DLG1: variants seen among roughly 807,000 people sequenced by gnomAD.
The protein encoded by DLG1 is disks large homolog 1.
DLG1 carries 42 observed loss-of-function variants against 123.4 expected under a neutral mutation model. The observed-to-expected ratio is 0.34, with a 90% CI of 0.27 to 0.44. The LOEUF (loss-of-function observed/expected upper bound fraction) is 0.44, where lower values mean the gene tolerates loss of function less well. Among genes scored for constraint, DLG1 ranks in the 20% least tolerant of loss-of-function variants. The pLI is 1.00. For synonymous variants in DLG1, 317 were observed against 356.2 expected (o/e 0.89, Z 1.24); for missense variants, 942 against 1,082.6 (o/e 0.87, Z 1.82).
At chr3:197,290,377 T>A (rs1180995940) in intron 3 of DLG1, among the ~76,000 whole-genome samples, 1 of 152,144 alleles carries the variant, frequency 6.6e-6, no homozygotes, top group Non-Finnish European at 1.5e-5. Context: ...GATATGTACA[T>A]GGTGTTAAAG....
chr3:197,115,010 AG>A (rs1772402818), intron 13 of DLG1, among the ~76,000 whole-genome samples: 4 of 132,738 alleles, frequency 3.0e-5, no homozygotes, highest in African/African-American at 8.4e-5. Context: ...AAAAAAAAAA[AG>A]GGAAATTTTC....
rs928826545 is a variant in DLG1 at position 197,263,258 on chromosome 3, T to C, written c.318+19421A>G. On this transcript the variant is annotated intron_variant, in intron 4 of 24. Transcript: ENST00000667157. ...CCAGAGAGGGCAGGCATCCCTAAGTTTGGCAGACTTCATAATAGAAAAGGC... is the reference window on the plus strand; with the variant it reads ...CCAGAGAGGGCAGGCATCCCTAAGTCTGGCAGACTTCATAATAGAAAAGGC... Among the ~76,000 whole-genome samples the C allele has an allele frequency of 3.3e-5, 5 of 152,114 alleles. No homozygotes were observed. In the South Asian group the frequency reaches 6.2e-4, roughly 19 times the overall value.
chr3:197,200,310 T>G (rs7650753), intron 4 of DLG1, among the ~76,000 whole-genome samples: 88,215 of 151,968 alleles, frequency 0.58, 25,932 homozygotes, highest in East Asian at 0.79. Flanking sequence ...CCTCAAATAC[T>G]TATTATTTCA....
At chr3:197,212,995 G>T (rs1445995659) in intron 4 of DLG1, among the ~76,000 whole-genome samples, 1 of 152,160 alleles carries the variant, frequency 6.6e-6, no homozygotes, top group Non-Finnish European at 1.5e-5. Flanking sequence ...GAGCGACTGG[G>T]ACTCTCATCA....
In DLG1 at chr3:197,131,914, ATTTTCT is replaced by A. The variant is rs200583971; in HGVS notation, c.1021-1249_1021-1244del. On this transcript the variant is annotated intron_variant, in intron 10 of 24. Transcript: ENST00000667157. Reference sequence around the variant, plus strand: ...GGCCTATTTCTTCCTTTCTAATCTGATTTTCTTTTTCTTTTTCTTTTCTTATTGCCC... The same window carrying A: ...GGCCTATTTCTTCCTTTCTAATCTGATTTTCTTTTTCTTTTCTTATTGCCC... Among the ~76,000 whole-genome samples, 934 of 151,584 alleles carry A rather than the reference ATTTTCT, an allele frequency of 6.2e-3. 4 individuals carry two copies. The highest frequency in any genetic ancestry group is 0.022 in the South Asian group (104 of 4,810).
intron 4 of DLG1, among the ~76,000 whole-genome samples, chr3:197,254,628 A>G (rs1755982616): frequency 6.6e-6 from 1 of 152,266 alleles, no homozygotes; most frequent in African/African-American, 2.4e-5. Flanking sequence ...TAAAATGGCA[A>G]TTTTTAAATA....
chr3:197,066,337 G>A (rs988816685), intron 20 of DLG1, among the ~76,000 whole-genome samples: 1 of 152,118 alleles, frequency 6.6e-6, no homozygotes, highest in Non-Finnish European at 1.5e-5. Flanking sequence ...AAATAAGAAA[G>A]AAGTGGGATA....
chr3:197,050,303 G>C (rs761529705), intron 24 of DLG1, among the ~76,000 whole-genome samples: 15 of 151,796 alleles, frequency 9.9e-5, no homozygotes, highest in East Asian at 3.9e-4. Flanking sequence ...GAAGGCGGAG[G>C]TTGCAGTGAG....
chr3:197,071,399 CTGTCT>C (rs1302444399), intron 18 of DLG1, among the ~76,000 whole-genome samples: 51 of 129,448 alleles, frequency 3.9e-4, no homozygotes, highest in African/African-American at 1.5e-3. Flanking sequence ...AATCTCTTCA[CTGTCT>C]TTTTTTTTTT....
At chr3:197,251,985 A>T (rs1472983641) in intron 4 of DLG1, among the ~76,000 whole-genome samples, 2 of 152,136 alleles carry the variant, frequency 1.3e-5, no homozygotes, top group East Asian at 3.8e-4. Flanking sequence ...TGAAACAGTA[A>T]AATATGTAGG....
intron 6 of DLG1, among the ~76,000 whole-genome samples, chr3:197,144,541 A>G (rs914973470): frequency 6.6e-6 from 1 of 152,234 alleles, no homozygotes; most frequent in East Asian, 1.9e-4. Flanking sequence ...CCTAAGCTTC[A>G]GGGTAGTTTG....
chr3:197,187,151 C>T (rs909679248), intron 5 of DLG1, among the ~76,000 whole-genome samples: 1 of 152,142 alleles, frequency 6.6e-6, no homozygotes, highest in Non-Finnish European at 1.5e-5. Context: ...TACAAAATCC[C>T]TTCTGTATGA....
chr3:197,044,750 T>C, intron 24 of DLG1, 21 bp from the exon 25 acceptor site: 1 of 1,399,772 alleles, frequency 7.1e-7, no homozygotes, highest in Non-Finnish European at 9.8e-7. Context: ...AGAAACAAAA[T>C]CAGAAATCTC....
intron 4 of DLG1, among the ~76,000 whole-genome samples, chr3:197,246,537 T>C (rs1751809779): frequency 6.6e-6 from 1 of 152,222 alleles, no homozygotes; most frequent in Admixed American, 6.5e-5. Context: ...GCTTCCTGCT[T>C]TCTTCAGTTA....
In DLG1 at chr3:197,044,590, T is replaced by G; in HGVS notation, c.*33A>C. ...CAAAGAGATGCCAAAGAAAATGGAA[T>G]TGTGGAAAAGAGAAACAGAGAAACA... On this transcript the variant is annotated 3_prime_UTR_variant, in exon 25 of 25. Transcript: ENST00000667157. 1 of 1,469,192 alleles carries G rather than the reference T, an allele frequency of 6.8e-7. No homozygotes were observed. Among genetic ancestry groups the G allele is most frequent in the South Asian group, 1.2e-5 (1 of 85,926 alleles). 91.0% of individuals were successfully genotyped at this position (1,469,192 alleles called of 1,614,324 possible). A position where few individuals can be genotyped will look rare whatever the true frequency, so the allele number is the denominator to read the frequency against.
intron 5 of DLG1, among the ~76,000 whole-genome samples, chr3:197,176,768 T>C (rs931499501): frequency 6.6e-6 from 1 of 152,106 alleles, no homozygotes; most frequent in African/African-American, 2.4e-5. Context: ...TAAACATCTC[T>C]GTACAGGTTT....
At chr3:197,233,644 C>T (rs1182221297) in intron 4 of DLG1, among the ~76,000 whole-genome samples, 1 of 152,164 alleles carries the variant, frequency 6.6e-6, no homozygotes, top group African/African-American at 2.4e-5. Flanking sequence ...CTTGGCCTCC[C>T]AAAGTGCTGG....
intron 24 of DLG1, among the ~76,000 whole-genome samples, chr3:197,050,373 AAAC>A (rs1379177370): frequency 6.6e-5 from 10 of 152,078 alleles, no homozygotes; most frequent in Non-Finnish European, 8.8e-5. Flanking sequence ...TTTCAAAAAA[AAAC>A]AACAACAAAA....
In DLG1 at chr3:197,062,369, G is replaced by C. The variant is rs1255052788; in HGVS notation, c.2374-2371C>G. Among the ~76,000 whole-genome samples the C allele has an allele frequency of 3.3e-5, 5 of 152,310 alleles. No homozygotes were observed. The East Asian group carries it at 9.6e-4, about 29-fold the overall frequency. On this transcript the variant is annotated intron_variant, in intron 22 of 24. Coordinates refer to ENST00000667157, the MANE Select transcript of DLG1 (RefSeq NM_001366207.1). ...GGGTACTTGAAGTATGGCTGCGACTGAATATGCATCACTTTTGCGCCTCTG... is the reference window on the plus strand; with the variant it reads ...GGGTACTTGAAGTATGGCTGCGACTCAATATGCATCACTTTTGCGCCTCTG...
Sources: gnomAD v4.1 joint callset for allele counts (sites outside exome capture counted in the v4.1 genomes callset) on GRCh38, gnomAD v4.1.1 for gene constraint, MANE v1.5 for transcripts, NCBI Gene and HGNC (gene_info 2026-07-23, HGNC 2026-07-21) for gene names.